The following PCDHGB2 variants were observed in gnomAD, a reference collection of about 807,000 sequenced individuals.
The protein encoded by PCDHGB2 is protocadherin gamma subfamily B, 2.
Under a neutral mutation model 59.3 loss-of-function variants are expected in PCDHGB2, and 55 were observed. That is an observed-to-expected ratio of 0.93 (90% CI 0.75 to 1.16). The LOEUF (loss-of-function observed/expected upper bound fraction) is 1.16. PCDHGB2 is among the 50% of genes most tolerant of loss of function. PCDHGB2 has a pLI of 0.00. For missense variants in PCDHGB2, 1,228 were observed against 1,198.5 expected (o/e 1.02, Z -0.36); for synonymous variants, 516 against 512.0 (o/e 1.01, Z -0.11).
chr5:141,432,946 A>G lies in PCDHGB2; in HGVS notation c.2422-61861A>G. 2 of 1,614,130 alleles carry G rather than the reference A, an allele frequency of 1.2e-6. No individual in the cohort carries two copies. The highest frequency in any genetic ancestry group is 1.1e-5 in the South Asian group (1 of 91,080). ...AGTCACGCCTGCTGCAGGCTTCAGG[A>G]GGCGGCTTGACAGGAGCGCCGGCGT... is the stretch of plus-strand genomic sequence containing the variant. On this transcript the variant is annotated intron_variant, in intron 1 of 3. Coordinates refer to ENST00000522605, the MANE Select transcript of PCDHGB2 (RefSeq NM_018923.3). This position sits in a 1 kb window ranked among gnomAD's most constrained non-coding sequence, Gnocchi z 6.0.
chr5:141,433,307 C>A, intron 1 of PCDHGB2: 1 of 913,756 alleles, frequency 1.1e-6, no homozygotes, highest in Non-Finnish European at 1.6e-6. Flanking sequence ...AATTATCCCA[C>A]CTTTGCCTCC....
chr5:141,406,707 T>C (rs1201619018), intron 1 of PCDHGB2, among the ~76,000 whole-genome samples: 1 of 152,228 alleles, frequency 6.6e-6, no homozygotes, highest in Non-Finnish European at 1.5e-5. Flanking sequence ...AGTATATGCT[T>C]GCTCAAGAGA....
At chr5:141,410,698 C>G in intron 1 of PCDHGB2, 1 of 1,482,836 alleles carries the variant, frequency 6.7e-7, no homozygotes, top group Non-Finnish European at 9.0e-7. Context: ...ACTTTATTTT[C>G]ATATCTAGAA....
Position 141,376,615 on chromosome 5 carries a change from T to C in PCDHGB2, c.2421+14059T>C, listed in dbSNP as rs917883333. ...GGCTGTTATAGAAGCGAACCTCTTT[T>C]GGTACAGGAAGATTCGTGATTTTGT... On this transcript the variant is annotated intron_variant, in intron 1 of 3. Transcript: ENST00000522605. 24 of 1,439,268 alleles carry C rather than the reference T, an allele frequency of 1.7e-5. 1 individual carries two copies. In the Admixed American group the frequency reaches 2.3e-4, roughly 14 times the overall value. The allele number at this position is 1,439,268 out of a possible 1,614,324, so 89.2% of individuals were successfully genotyped here.
intron 1 of PCDHGB2, chr5:141,371,317 A>G: frequency 1.9e-6 from 3 of 1,613,996 alleles, no homozygotes; most frequent in East Asian, 2.2e-5. Flanking sequence ...GGAGAACTGG[A>G]CTTTGAAGAG....
chr5:141,504,496 G>C (rs2099838771), intron 2 of PCDHGB2, among the ~76,000 whole-genome samples: 1 of 152,100 alleles, frequency 6.6e-6, no homozygotes, highest in Non-Finnish European at 1.5e-5. Flanking sequence ...CACCTGCCCA[G>C]TCTGAGTGGA....
chr5:141,360,688 A>G lies in PCDHGB2; in HGVS notation c.553A>G (p.Thr185Ala). 6.2e-7 allele frequency: 1 copy of G among 1,613,902 alleles called. No homozygotes were observed. The highest frequency in any genetic ancestry group is 8.5e-7 in the Non-Finnish European group (1 of 1,179,878). The change falls in exon 1 of 4, where the codon ACT becomes GCT. Residue 185 changes from threonine (T) to alanine (A), a missense_variant. Transcript: ENST00000522605. ...GTACTTTGATCTCGCTGAGAAACAGACTCCAGATGGTCGTAAATATCCTGA... is the reference window on the plus strand; with the variant it reads ...GTACTTTGATCTCGCTGAGAAACAGGCTCCAGATGGTCGTAAATATCCTGA... Reference protein sequence around the residue: ...NEYFDLAEKQTPDGRKYPELI... With the variant: ...NEYFDLAEKQAPDGRKYPELI...
chr5:141,392,546 T>A (rs1207052717), intron 1 of PCDHGB2: 1 of 336,090 alleles, frequency 3.0e-6, no homozygotes, highest in Non-Finnish European at 5.4e-6. Flanking sequence ...AGAAGTAATC[T>A]GTATCTCAGT....
intron 1 of PCDHGB2, among the ~76,000 whole-genome samples, chr5:141,401,643 A>G (rs973841801): frequency 6.6e-6 from 1 of 152,262 alleles, no homozygotes; most frequent in African/African-American, 2.4e-5. Context: ...AGCTTTAAAT[A>G]TAAATGACTG....
chr5:141,382,744 A>G (rs767790688), intron 1 of PCDHGB2: 6 of 592,898 alleles, frequency 1.0e-5, no homozygotes, highest in Non-Finnish European at 1.7e-5. Context: ...GAAACGACAG[A>G]TTGCGATAAG....
In PCDHGB2 at chr5:141,438,090, A is replaced by G. The variant is rs560861677; in HGVS notation, c.2422-56717A>G. 1.2e-4 allele frequency among the ~76,000 whole-genome samples: 18 copies of G among 152,310 alleles called. No individual in the cohort carries two copies. In the South Asian group the frequency reaches 3.5e-3, roughly 30 times the overall value. ...CATACTTAATGGAAAATTACCAGTA[A>G]CAGGGCATACTGTTTAGGATGCATT... On this transcript the variant is annotated intron_variant, in intron 1 of 3. Coordinates refer to ENST00000522605, the MANE Select transcript of PCDHGB2 (RefSeq NM_018923.3).
At chr5:141,506,649 T>C (rs1487823663) in intron 3 of PCDHGB2, among the ~76,000 whole-genome samples, 1 of 152,114 alleles carries the variant, frequency 6.6e-6, no homozygotes, top group Admixed American at 6.6e-5. Context: ...CAGCACAGGA[T>C]TGGCAGAGAG....
At chr5:141,393,277 C>T (rs749579658) in intron 1 of PCDHGB2, 4 of 1,613,844 alleles carry the variant, frequency 2.5e-6, no homozygotes, top group Non-Finnish European at 3.4e-6. Flanking sequence ...TATCCACTCC[C>T]AGAAGCTGTT....
intron 1 of PCDHGB2, among the ~76,000 whole-genome samples, chr5:141,462,012 G>A (rs1046109009): frequency 9.9e-5 from 15 of 152,128 alleles, no homozygotes; most frequent in Admixed American, 5.9e-4. Context: ...TAATAGAGAC[G>A]GGGTTTCTTC....
intron 1 of PCDHGB2, chr5:141,433,272 C>G (rs1161817377): frequency 8.0e-7 from 1 of 1,252,412 alleles, no homozygotes; most frequent in Non-Finnish European, 1.1e-6. Flanking sequence ...TAGCTCACTG[C>G]AGCCTCAAAC....
Position 141,487,892 on chromosome 5 carries a change from T to A in PCDHGB2, c.2422-6915T>A. On this transcript the variant is annotated intron_variant, in intron 1 of 3. Coordinates refer to ENST00000522605, the MANE Select transcript of PCDHGB2 (RefSeq NM_018923.3). The surrounding 1 kb of genome is among the most constrained non-coding windows in gnomAD (Gnocchi z 5.0). The stretch of plus-strand genomic sequence containing the variant: ...GAGCCAGGCTGTTGTGGAAGCATGA[T>A]GATGGAATGTGGGAGCACAGGAGGC... 1 of 731,410 alleles carries A rather than the reference T, an allele frequency of 1.4e-6. No homozygotes were observed. Among genetic ancestry groups the A allele is most frequent in the South Asian group, 1.8e-5 (1 of 54,120 alleles). The allele number at this position is 731,410 out of a possible 1,614,324, so 45.3% of individuals were successfully genotyped here. A position where few individuals can be genotyped will look rare whatever the true frequency, so the allele number is the denominator to read the frequency against.
chr5:141,421,233 G>T (rs201076931), intron 1 of PCDHGB2: 2 of 1,592,240 alleles, frequency 1.3e-6, no homozygotes, highest in Non-Finnish European at 1.7e-6. Flanking sequence ...CTGCCATGGC[G>T]AATCGGCTAC....
rs199965876 is a variant in PCDHGB2, at chr5:141,419,464, C to G, written c.2421+56908C>G. ...CCTTCGAGCTCACGCTGCAGGCCCG[C>G]GACCAGGGCTCGCCCGCGCTCAGCG... On this transcript the variant is annotated intron_variant, in intron 1 of 3. Transcript: ENST00000522605. 4 of 1,612,542 alleles carry G rather than the reference C, an allele frequency of 2.5e-6. No homozygotes were observed. In the Admixed American group the frequency reaches 6.7e-5, roughly 27 times the overall value.
At chr5:141,449,920 A>G (rs1287640011) in intron 1 of PCDHGB2, among the ~76,000 whole-genome samples, 1 of 151,842 alleles carries the variant, frequency 6.6e-6, no homozygotes, top group East Asian at 1.9e-4. Context: ...TTTAAATTCT[A>G]CCATACCTTA....
Sources: allele counts gnomAD v4.1 joint callset (sites outside exome capture counted in the v4.1 genomes callset), GRCh38; gene constraint gnomAD v4.1.1; non-coding constraint Gnocchi (gnomAD v3.1); transcripts MANE v1.5; gene names NCBI Gene and HGNC (gene_info 2026-07-23, HGNC 2026-07-21).